Variants in NEO1 observed in about 807,000 individuals in gnomAD.
NEO1 encodes the protein neogenin.
Under a neutral mutation model 159.7 loss-of-function variants are expected in NEO1, and 63 were observed. The observed-to-expected ratio is 0.39, with a 90% confidence interval of 0.32 to 0.49. The LOEUF (loss-of-function observed/expected upper bound fraction) is 0.49. Ranked by LOEUF, NEO1 falls within the 20% of genes least tolerant of loss-of-function variation. The probability of loss-of-function intolerance (pLI) is 0.85; values close to 1 mark genes in which losing one functional copy is unlikely to be tolerated. For synonymous variants in NEO1, 633 were observed against 662.0 expected, an observed-to-expected ratio of 0.96 and a Z score of 0.67; for missense variants, 1,615 against 1,831.0, an observed-to-expected ratio of 0.88 and a Z score of 2.15.
chr15:73,079,718 G>T (rs2068948846), intron 1 of NEO1, among the ~76,000 whole-genome samples: 1 of 152,152 alleles, frequency 6.6e-6, no homozygotes, highest in Non-Finnish European at 1.5e-5. Flanking sequence ...TGAACTGTTT[G>T]TGTTGGAGCT....
chr15:73,061,847 T>C (rs1382746345), intron 1 of NEO1, among the ~76,000 whole-genome samples: 1 of 152,220 alleles, frequency 6.6e-6, no homozygotes, highest in Non-Finnish European at 1.5e-5. Flanking sequence ...AGGACATCTT[T>C]CCATGTGAGT....
chr15:73,198,841 T>C (rs909428342), intron 7 of NEO1, among the ~76,000 whole-genome samples: 1 of 151,994 alleles, frequency 6.6e-6, no homozygotes, highest in African/African-American at 2.4e-5. Context: ...CTTAGGATTA[T>C]ATTAGATTTA....
intron 7 of NEO1, among the ~76,000 whole-genome samples, chr15:73,200,382 A>G (rs2036797628): frequency 6.6e-6 from 1 of 151,804 alleles, no homozygotes; most frequent in Admixed American, 6.6e-5. Context: ...GGAGTTTAAG[A>G]CCAGCCTGGG....
intron 1 of NEO1, among the ~76,000 whole-genome samples, chr15:73,074,415 A>T (rs1828701599): frequency 6.6e-6 from 1 of 152,236 alleles, no homozygotes; most frequent in Non-Finnish European, 1.5e-5. Flanking sequence ...CATGAGTAAG[A>T]TAAGGAGAAG....
chr15:73,260,213 G>A, intron 14 of NEO1, 58 bp from the exon 15 acceptor site: 1 of 1,502,484 alleles, frequency 6.7e-7, no homozygotes. Context: ...CCCCAAGGAT[G>A]GTGAGATATT....
intron 7 of NEO1, among the ~76,000 whole-genome samples, chr15:73,235,079 A>T (rs1305619869): frequency 6.6e-6 from 1 of 152,048 alleles, no homozygotes; most frequent in Non-Finnish European, 1.5e-5. Flanking sequence ...CTATCTAGAG[A>T]TTTTAGGTTG....
intron 7 of NEO1, among the ~76,000 whole-genome samples, chr15:73,229,410 A>T (rs1224645000): frequency 6.8e-6 from 1 of 147,716 alleles, no homozygotes; most frequent in Admixed American, 6.7e-5. Context: ...GTTGGTTTTC[A>T]TATCCTCCGA....
At chr15:73,300,588 G>A (rs868361540) in intron 27 of NEO1, among the ~76,000 whole-genome samples, 4 of 152,132 alleles carry the variant, frequency 2.6e-5, no homozygotes, top group Admixed American at 1.3e-4. Flanking sequence ...AAAGTTAGCC[G>A]GGTGTGGTAG....
At chr15:73,182,697 A>G (rs1381226327) in intron 7 of NEO1, among the ~76,000 whole-genome samples, 2 of 152,102 alleles carry the variant, frequency 1.3e-5, no homozygotes, top group Non-Finnish European at 2.9e-5. Flanking sequence ...ATGTCGTGAG[A>G]TTTACTCACT....
In NEO1 at chr15:73,052,754, C is replaced by A; in HGVS notation, c.79C>A (p.Arg27=). The change falls in exon 1 of 29, where the codon CGG becomes AGG. Residue 27 remains arginine, a synonymous_variant. Transcript: ENST00000261908. ...CTACTGCCTGCTGCTGCTCGGGCGCCGGGCGCCGGGCGCCGCGGCCGCCAG... is the reference window on the plus strand; with the variant it reads ...CTACTGCCTGCTGCTGCTCGGGCGCAGGGCGCCGGGCGCCGCGGCCGCCAG... ...WLYCLLLLGR[R]APGAAAARSG... is the part of the protein sequence containing the mutation. The A allele has an allele frequency of 1.6e-6, 2 of 1,261,968 alleles. No homozygotes were observed. The highest frequency in any genetic ancestry group is 2.0e-6 in the Non-Finnish European group (2 of 997,196). 78.2% of individuals were successfully genotyped at this position (1,261,968 alleles called of 1,614,324 possible).
intron 1 of NEO1, among the ~76,000 whole-genome samples, chr15:73,091,844 C>T (rs1387900473): frequency 6.7e-6 from 1 of 150,288 alleles, no homozygotes; most frequent in African/African-American, 2.5e-5. Context: ...CCAGGCTGGT[C>T]TCAAATTCCT....
rs1223783837 is a variant in NEO1, at chr15:73,052,761, C to T, written c.86C>T (p.Pro29Leu). ...YCLLLLGRRA[P>L]GAAAARSGSA... ...CTGCTGCTGCTCGGGCGCCGGGCGC[C>T]GGGCGCCGCGGCCGCCAGGAGCGGC... The change falls in exon 1 of 29, where the codon CCG (proline) becomes CTG (leucine). Residue 29 changes from proline (P) to leucine (L), a missense_variant. Pro to Leu is a moderately conservative substitution (Grantham distance 98). This residue lies in a region of NEO1 where 1,018 missense variants were observed against 1,115.4 expected (regional missense o/e 0.91). Coordinates refer to ENST00000261908, the MANE Select transcript of NEO1 (RefSeq NM_002499.4). 55 of 1,255,938 alleles carry T rather than the reference C, an allele frequency of 4.4e-5. No homozygotes were observed. The highest frequency in any genetic ancestry group is 5.2e-5 in the Non-Finnish European group (52 of 993,892). 77.8% of individuals were successfully genotyped at this position (1,255,938 alleles called of 1,614,324 possible). A position where few individuals can be genotyped will look rare whatever the true frequency, so the allele number is the denominator to read the frequency against.
chr15:73,177,309 T>G (rs552200385), intron 6 of NEO1, among the ~76,000 whole-genome samples: 2 of 152,278 alleles, frequency 1.3e-5, no homozygotes, highest in East Asian at 3.9e-4. Context: ...TTCATAAAAA[T>G]GATCAGAACT....
At chr15:73,279,361 T>TGTTTTTG (rs2041582342) in intron 22 of NEO1, among the ~76,000 whole-genome samples, 1 of 144,564 alleles carries the variant, frequency 6.9e-6, no homozygotes, top group African/African-American at 2.5e-5. Flanking sequence ...GTTTTTTTTT[T>TGTTTTTG]TTTTTGAGAT....
rs766998655 is a variant in NEO1 at position 73,278,250 on chromosome 15, T to C, written c.3262+51T>C. 1.9e-5 allele frequency: 30 copies of C among 1,550,188 alleles called. No homozygotes were observed. The South Asian group carries it at 2.6e-4, about 13-fold the overall frequency. On this transcript the variant is annotated intron_variant, in intron 22 of 28. Coordinates refer to ENST00000261908, the MANE Select transcript of NEO1 (RefSeq NM_002499.4). ...TGCTTACTATGGACATGAAGCACTT[T>C]TGCTTAAATTTTTGAAATGTCCTTT...
At chr15:73,200,441 A>C (rs2036803924) in intron 7 of NEO1, among the ~76,000 whole-genome samples, 1 of 148,112 alleles carries the variant, frequency 6.8e-6, no homozygotes, top group Admixed American at 6.8e-5. Context: ...AAATTAAGAG[A>C]GAGAGGGAGA....
At chr15:73,256,798 G>T (rs2040374496) in intron 13 of NEO1, among the ~76,000 whole-genome samples, 1 of 151,884 alleles carries the variant, frequency 6.6e-6, no homozygotes, top group Non-Finnish European at 1.5e-5. Flanking sequence ...TGTTCTCAAA[G>T]TCATTTTCAG....
chr15:73,133,685 C>T (rs1169571261), intron 4 of NEO1, among the ~76,000 whole-genome samples: 1 of 152,126 alleles, frequency 6.6e-6, no homozygotes, highest in South Asian at 2.1e-4. Context: ...AGTCCATTGG[C>T]TGTATATATT....
intron 11 of NEO1, among the ~76,000 whole-genome samples, chr15:73,250,895 TA>T (rs2040036540): frequency 6.6e-6 from 1 of 152,150 alleles, no homozygotes. Context: ...GATATGTTAT[TA>T]GCTATATTAG....
Sources: gnomAD v4.1 joint callset for allele counts (sites outside exome capture counted in the v4.1 genomes callset) on GRCh38, gnomAD v4.1.1 for gene constraint, gnomAD v4.1.1 regional missense constraint, MANE v1.5 for transcripts, NCBI Gene and HGNC (gene_info 2026-07-23, HGNC 2026-07-21) for gene names.